Variants in RBM20 observed in about 807,000 individuals in gnomAD.
RBM20 encodes the protein RNA-binding protein 20.
Under a neutral mutation model 110.1 loss-of-function variants are expected in RBM20, and 51 were observed. The observed-to-expected ratio is 0.46, with a 90% CI of 0.37 to 0.59. The LOEUF (loss-of-function observed/expected upper bound fraction) is 0.59. Ranked by LOEUF, RBM20 falls within the 20% of genes least tolerant of loss-of-function variation. The pLI, the probability that RBM20 is intolerant of heterozygous loss-of-function variation, is 0.00. For synonymous variants in RBM20, 589 were observed against 618.2 expected (o/e 0.95, Z 0.70); for missense variants, 1,512 against 1,574.9 (o/e 0.96, Z 0.68).
At chr10:110,823,147 G>A (rs910032647) in intron 11 of RBM20, among the ~76,000 whole-genome samples, 5 of 152,012 alleles carry the variant, frequency 3.3e-5, no homozygotes, top group African/African-American at 1.2e-4. Flanking sequence ...TCCTCTGCCT[G>A]CAGAGATGGA....
rs75117713 is a variant in RBM20, at chr10:110,682,514, G to A, written c.191+37869G>A. On this transcript the variant is annotated intron_variant, in intron 1 of 13. Coordinates refer to ENST00000369519, the MANE Select transcript of RBM20 (RefSeq NM_001134363.3). ...AATGAACATGGCTGGGTCTCGGTAT[G>A]ACTTCATTTATGGAAACGGGCAAAG... Among the ~76,000 whole-genome samples the A allele has an allele frequency of 9.9e-5, 15 of 152,258 alleles. No homozygotes were observed. In the East Asian group the frequency reaches 2.7e-3, roughly 27 times the overall value.
chr10:110,645,502 G>C (rs1340943038), intron 1 of RBM20, among the ~76,000 whole-genome samples: 1 of 152,130 alleles, frequency 6.6e-6, no homozygotes. Context: ...TGAATGATGC[G>C]CACCTCTGCG....
intron 1 of RBM20, among the ~76,000 whole-genome samples, chr10:110,678,368 G>T (rs184239579): frequency 4.5e-4 from 68 of 152,302 alleles, no homozygotes; most frequent in African/African-American, 1.5e-3. Context: ...AGACGTACTT[G>T]AGCTCATAGC....
intron 1 of RBM20, among the ~76,000 whole-genome samples, chr10:110,655,393 G>T (rs1253166926): frequency 1.3e-5 from 2 of 149,726 alleles, no homozygotes; most frequent in Non-Finnish European, 2.9e-5. Context: ...GTCTTACTCT[G>T]CTTGTTATGC....
chr10:110,735,346 T>C (rs1843659682), intron 1 of RBM20, among the ~76,000 whole-genome samples: 1 of 151,962 alleles, frequency 6.6e-6, no homozygotes, highest in Non-Finnish European at 1.5e-5. Flanking sequence ...TCTGCATGTA[T>C]TTTTTTTATG....
chr10:110,803,015 A>G (rs1844649310), intron 7 of RBM20, among the ~76,000 whole-genome samples: 1 of 152,190 alleles, frequency 6.6e-6, no homozygotes, highest in South Asian at 2.1e-4. Context: ...TCAGTCTCGT[A>G]ATCACTGTAC....
At chr10:110,774,445 G>A (rs1844234537) in intron 1 of RBM20, among the ~76,000 whole-genome samples, 1 of 152,154 alleles carries the variant, frequency 6.6e-6, no homozygotes, top group Admixed American at 6.5e-5. Context: ...TATCAAGAAA[G>A]AGCACTATCC....
chr10:110,812,435 C>T lies in RBM20; in HGVS notation c.2038C>T (p.Pro680Ser), dbSNP rs1387833836. The change falls in exon 9 of 14, where the codon CCC (proline) becomes TCC (serine). Residue 680 changes from proline to serine, a missense_variant. Physicochemically the swap from Pro to Ser is moderately conservative, Grantham distance 74. Coordinates refer to ENST00000369519, the MANE Select transcript of RBM20 (RefSeq NM_001134363.3). The stretch of plus-strand genomic sequence containing the variant: ...TGGCCGGGACTCCTGGGAGCACTCT[C>T]CCTATGCCAGGAGGGAGGAAGAGCG... ...GNGRDSWEHSPYARREEERDP... is the reference protein window; with the variant it reads ...GNGRDSWEHSSYARREEERDP... 1.3e-6 allele frequency: 2 copies of T among 1,551,728 alleles called. No individual in the cohort carries two copies. The highest frequency in any genetic ancestry group is 1.4e-5 in the African/African-American group (1 of 73,176).
chr10:110,656,065 C>T (rs1240843474), intron 1 of RBM20, among the ~76,000 whole-genome samples: 1 of 152,072 alleles, frequency 6.6e-6, no homozygotes, highest in Non-Finnish European at 1.5e-5. Flanking sequence ...CTTTGGGAGG[C>T]CGAGGCACGT....
intron 1 of RBM20, among the ~76,000 whole-genome samples, chr10:110,773,874 C>T (rs771882295): frequency 4.6e-5 from 7 of 152,110 alleles, no homozygotes; most frequent in South Asian, 2.1e-4. Context: ...AAGCGACGTA[C>T]GGAGCACAGT....
At chr10:110,684,877 G>A (rs1182613977) in intron 1 of RBM20, among the ~76,000 whole-genome samples, 1 of 152,172 alleles carries the variant, frequency 6.6e-6, no homozygotes, top group Non-Finnish European at 1.5e-5. Context: ...GGAGCACTCC[G>A]CCGGCCCTGC....
At chr10:110,758,407 T>C (rs1416000119) in intron 1 of RBM20, among the ~76,000 whole-genome samples, 2 of 152,092 alleles carry the variant, frequency 1.3e-5, no homozygotes, top group African/African-American at 4.8e-5. Flanking sequence ...GTGATAAAGA[T>C]AGGATAAGGG....
chr10:110,812,492 G>T lies in RBM20; in HGVS notation c.2095G>T (p.Asp699Tyr), dbSNP rs765630112. The T allele has an allele frequency of 1.3e-6, 2 of 1,551,586 alleles. No homozygotes were observed. Among genetic ancestry groups the T allele is most frequent in the Admixed American group, 3.9e-5 (2 of 50,992 alleles). ...GGCTCCCTGGAGGGACAACGGAGAT[G>T]ACAAGAGGGACAGGATGGACCCCTG... ...DPAPWRDNGD[D>Y]KRDRMDPWAH... Residue 699 changes from aspartate (D) to tyrosine (Y), a missense_variant, in exon 9 of 14, where the codon GAC becomes TAC. Transcript: ENST00000369519.
rs182574150 is a variant in RBM20 at position 110,785,978 on chromosome 10, A to G, written c.1527+1089A>G. On this transcript the variant is annotated intron_variant, in intron 5 of 13. Transcript: ENST00000369519. The stretch of plus-strand genomic sequence containing the variant: ...CCCTTGAGGAACTGGTTTGTGCTGT[A>G]TGATGTTTTTGTTTGTTTTTAGTTT... Among the ~76,000 whole-genome samples the G allele has an allele frequency of 3.3e-5, 5 of 152,276 alleles. No homozygotes were observed. In the East Asian group the frequency reaches 7.7e-4, roughly 23 times the overall value.
At position 110,707,359 on chromosome 10, in the gene RBM20, G is replaced by A. The variant is rs559555444; in HGVS notation, c.191+62714G>A. 3.0e-4 allele frequency among the ~76,000 whole-genome samples: 46 copies of A among 152,266 alleles called. 1 individual carries two copies. The South Asian group carries it at 9.3e-3, about 31-fold the overall frequency. On this transcript the variant is annotated intron_variant, in intron 1 of 13. Transcript: ENST00000369519. The stretch of plus-strand genomic sequence containing the variant: ...GTATTTTTACAATATTGGCTGCATA[G>A]CCAATTCATTTCAACTGGAAAATAC...
chr10:110,805,420 A>T (rs528306410), intron 7 of RBM20, among the ~76,000 whole-genome samples: 14 of 152,348 alleles, frequency 9.2e-5, no homozygotes, highest in Admixed American at 2.0e-4. Context: ...TTCTGGGCTC[A>T]TCTAGAAGGT....
chr10:110,737,644 A>G (rs996364243), intron 1 of RBM20, among the ~76,000 whole-genome samples: 18 of 150,724 alleles, frequency 1.2e-4, no homozygotes, highest in African/African-American at 4.2e-4. Flanking sequence ...AGTTTAACGT[A>G]ATTGGAATGA....
At chr10:110,805,183 A>G (rs1457116840) in intron 7 of RBM20, among the ~76,000 whole-genome samples, 1 of 152,202 alleles carries the variant, frequency 6.6e-6, no homozygotes, top group African/African-American at 2.4e-5. Flanking sequence ...TTTAAACATG[A>G]GTGCATAAGT....
chr10:110,783,343 A>C, intron 2 of RBM20, 23 bp from the exon 3 acceptor site: 1 of 1,545,126 alleles, frequency 6.5e-7, no homozygotes. Flanking sequence ...TACTTTGGTC[A>C]CTTTTCTTTC....
Sources: allele counts gnomAD v4.1 joint callset (sites outside exome capture counted in the v4.1 genomes callset), GRCh38; gene constraint gnomAD v4.1.1; transcripts MANE v1.5; gene names NCBI Gene and HGNC (gene_info 2026-07-23, HGNC 2026-07-21).